The following STPG2 variants were observed in gnomAD, a reference collection of about 807,000 sequenced individuals.
STPG2 encodes the protein sperm tail PG-rich repeat containing 2.
In STPG2, 56 loss-of-function variants were observed where a neutral mutation model predicts 54.2. The ratio of observed to expected loss-of-function variants is 1.03; its 90% CI spans 0.83 to 1.29. STPG2 has a LOEUF of 1.29. Ranked by LOEUF, STPG2 falls within the 50% of genes most tolerant of loss-of-function variation. STPG2 has a pLI of 0.00. For missense variants in STPG2, 596 were observed against 544.9 expected (o/e 1.09, Z -0.93); for synonymous variants, 200 against 181.8 (o/e 1.10, Z -0.81).
chr4:97,940,370 T>C (rs545814286), intron 8 of STPG2, among the ~76,000 whole-genome samples: 4 of 152,362 alleles, frequency 2.6e-5, no homozygotes, highest in Non-Finnish European at 4.4e-5. Flanking sequence ...AAAGTAGTCA[T>C]GGATTATATC....
chr4:97,633,135 TG>T (rs1721350928), intron 10 of STPG2, among the ~76,000 whole-genome samples: 1 of 152,192 alleles, frequency 6.6e-6, no homozygotes, highest in Admixed American at 6.5e-5. Flanking sequence ...TTAGTTTCTC[TG>T]CCATTTACAT....
chr4:97,758,990 A>G (rs180738212), intron 9 of STPG2, among the ~76,000 whole-genome samples: 1 of 152,312 alleles, frequency 6.6e-6, no homozygotes, highest in Non-Finnish European at 1.5e-5. Context: ...AAATGAACGT[A>G]TAATATTTAT....
At chr4:97,814,319 C>T (rs1263661173) in intron 9 of STPG2, among the ~76,000 whole-genome samples, 1 of 151,660 alleles carries the variant, frequency 6.6e-6, no homozygotes, top group African/African-American at 2.4e-5. Context: ...TTCTAAGATA[C>T]ATTTTGTTTT....
At chr4:98,107,485 A>G (rs2110142303) in intron 4 of STPG2, among the ~76,000 whole-genome samples, 1 of 152,272 alleles carries the variant, frequency 6.6e-6, no homozygotes, top group Non-Finnish European at 1.5e-5. Context: ...CACAAATGGA[A>G]GAAGAGGAAA....
At chr4:97,483,564 A>G (rs574895952) in intron 4 of STPG2, among the ~76,000 whole-genome samples, 3 of 151,818 alleles carry the variant, frequency 2.0e-5, no homozygotes, top group Admixed American at 2.0e-4. Flanking sequence ...GGAGCTCCCA[A>G]ATTTATAAAA....
intron 9 of STPG2, among the ~76,000 whole-genome samples, chr4:97,725,420 GA>G (rs889475387): frequency 3.3e-4 from 49 of 147,104 alleles, no homozygotes; most frequent in African/African-American, 1.0e-3. Context: ...TGACCCTGAA[GA>G]AAAAAAAATA....
chr4:97,480,314 C>T (rs923645735), intron 4 of STPG2, among the ~76,000 whole-genome samples: 4 of 151,142 alleles, frequency 2.6e-5, no homozygotes, highest in Non-Finnish European at 4.4e-5. Flanking sequence ...TCCGGTTTAC[C>T]CATTTAAAAA....
intron 10 of STPG2, among the ~76,000 whole-genome samples, chr4:97,653,060 G>A (rs1263617924): frequency 3.3e-5 from 5 of 151,516 alleles, no homozygotes; most frequent in Non-Finnish European, 4.4e-5. Flanking sequence ...ACCTAAATTA[G>A]CAAAGTGATT....
chr4:98,061,692 A>G (rs1291747306), intron 5 of STPG2, among the ~76,000 whole-genome samples: 1 of 152,260 alleles, frequency 6.6e-6, no homozygotes, highest in Admixed American at 6.5e-5. Flanking sequence ...ATCAAATGAA[A>G]AAAGCTCAGT....
intron 8 of STPG2, among the ~76,000 whole-genome samples, chr4:97,848,879 A>T (rs554980789): frequency 3.3e-5 from 5 of 150,442 alleles, no homozygotes; most frequent in Non-Finnish European, 7.4e-5. Context: ...TGGTACCAGT[A>T]CCATGCTGTT....
intron 8 of STPG2, among the ~76,000 whole-genome samples, chr4:97,907,544 G>C (rs529955295): frequency 6.6e-6 from 1 of 151,986 alleles, no homozygotes; most frequent in East Asian, 1.9e-4. Context: ...AACCAAAAAA[G>C]AGCCTACATC....
intron 4 of STPG2, among the ~76,000 whole-genome samples, chr4:97,539,129 A>G (rs1404915205): frequency 1.3e-5 from 2 of 152,228 alleles, no homozygotes; most frequent in African/African-American, 4.8e-5. Flanking sequence ...AAGAAACTGC[A>G]TCAACTAACG....
At chr4:97,984,941 A>G (rs922327474) in intron 5 of STPG2, among the ~76,000 whole-genome samples, 5 of 152,170 alleles carry the variant, frequency 3.3e-5, no homozygotes, top group African/African-American at 1.2e-4. Flanking sequence ...CCTCCTCACC[A>G]TCCCTTGTAG....
chr4:97,556,579 A>T (rs1732083356), downstream of STPG2, among the ~76,000 whole-genome samples: 1 of 152,162 alleles, frequency 6.6e-6, no homozygotes, highest in Non-Finnish European at 1.5e-5. Context: ...AATTCACACA[A>T]TCTGCATATT....
At chr4:97,955,213 A>ATATTT (rs780560818) in intron 7 of STPG2, among the ~76,000 whole-genome samples, 1 of 137,406 alleles carries the variant, frequency 7.3e-6, no homozygotes, top group East Asian at 2.1e-4. Context: ...ATACAGAAGA[A>ATATTT]TTTTTTTTTT....
In STPG2 at chr4:97,949,402, T is replaced by C. The variant is rs1012668389; in HGVS notation, c.934-5395A>G. 4.6e-5 allele frequency among the ~76,000 whole-genome samples: 7 copies of C among 152,180 alleles called. 1 individual carries two copies. The South Asian group carries it at 1.2e-3, about 27-fold the overall frequency. ...CAATCTGTATATTTTAAGTGGACCA[T>C]TACGCCATTTACGTTCAACATAATA... is the stretch of plus-strand genomic sequence containing the variant. On this transcript the variant is annotated intron_variant, in intron 7 of 10. Transcript: ENST00000295268.
intron 8 of STPG2, among the ~76,000 whole-genome samples, chr4:97,870,920 G>T (rs1729960834): frequency 6.6e-6 from 1 of 150,922 alleles, no homozygotes; most frequent in South Asian, 2.1e-4. Context: ...ATGTCACAAA[G>T]AATGTGCCTA....
At chr4:97,801,762 C>G (rs368674621) in intron 9 of STPG2, among the ~76,000 whole-genome samples, 30 of 152,202 alleles carry the variant, frequency 2.0e-4, no homozygotes, top group Admixed American at 5.2e-4. Flanking sequence ...GCATAGCAGG[C>G]CATGACCCAT....
intron 7 of STPG2, among the ~76,000 whole-genome samples, chr4:97,967,375 G>C (rs995155183): frequency 2.0e-5 from 3 of 151,910 alleles, no homozygotes; most frequent in Admixed American, 1.3e-4. Flanking sequence ...CAAGTCCTTA[G>C]AGACCTACAT....
Sources: gnomAD v4.1 joint callset for allele counts (sites outside exome capture counted in the v4.1 genomes callset) on GRCh38, gnomAD v4.1.1 for gene constraint, MANE v1.5 for transcripts, NCBI Gene and HGNC (gene_info 2026-07-23, HGNC 2026-07-21) for gene names.